Variants in TRAF3IP2 observed in about 807,000 individuals in gnomAD.
TRAF3IP2 encodes the protein E3 ubiquitin ligase TRAF3IP2.
A neutral mutation model predicts 57.9 loss-of-function variants in TRAF3IP2; 35 were observed. The observed-to-expected ratio is 0.60, with a 90% CI of 0.46 to 0.80. TRAF3IP2 has a LOEUF of 0.80. Ranked by LOEUF, TRAF3IP2 falls within the 30% of genes least tolerant of loss-of-function variation. The pLI, the probability that TRAF3IP2 is intolerant of heterozygous loss-of-function variation, is 0.00. For missense variants in TRAF3IP2, 556 were observed against 706.4 expected (o/e 0.79, Z 2.41); for synonymous variants, 251 against 268.9 (o/e 0.93, Z 0.65).
At chr6:111,574,619 A>G (rs950947107) in intron 4 of TRAF3IP2, 1 of 152,244 alleles carries the variant, frequency 6.6e-6, no homozygotes, top group Admixed American at 6.5e-5. Flanking sequence ...TCATTCCTAC[A>G]GGAAATGACC....
intron 7 of TRAF3IP2, among the ~76,000 whole-genome samples, chr6:111,564,588 G>C (rs1006507790): frequency 1.3e-5 from 2 of 152,160 alleles, no homozygotes; most frequent in African/African-American, 4.8e-5. Context: ...GTTGTTCCAG[G>C]GTTTTCTGTT....
intron 2 of TRAF3IP2, among the ~76,000 whole-genome samples, chr6:111,585,688 A>G (rs537804573): frequency 2.2e-4 from 33 of 152,324 alleles, no homozygotes; most frequent in Admixed American, 6.5e-4. Flanking sequence ...CTTGTCCCCA[A>G]TGCCTACAGT....
chr6:111,577,578 A>G (rs1204334199), intron 3 of TRAF3IP2, among the ~76,000 whole-genome samples: 1 of 150,622 alleles, frequency 6.6e-6, no homozygotes. Context: ...TTTGGTAGAG[A>G]TGGGATTTCG....
rs1796110890 is a variant in TRAF3IP2, at chr6:111,580,206, G to C, written c.1013C>G (p.Pro338Arg). The change falls in exon 3 of 9, where the codon CCA (proline) becomes CGA (arginine). Residue 338 changes from proline (P) to arginine (R), a missense_variant. By Grantham distance (103) the Pro-to-Arg change is moderately radical (BLOSUM62 -2). Around this residue, in one of 2 missense-constraint regions of TRAF3IP2, gnomAD observed 428 missense variants for 498.7 expected, o/e 0.86. Coordinates refer to ENST00000368761, the MANE Select transcript of TRAF3IP2 (RefSeq NM_147686.4). ...AQRDCSFPGL[P>R]RHQDQPHHQP... is the part of the protein sequence containing the mutation. ...GGCCTGTCATACTTACTGGTGCCTTGGAAGCCCCGGAAAGGAGCAGTCTCT... is the reference window on the plus strand; with the variant it reads ...GGCCTGTCATACTTACTGGTGCCTTCGAAGCCCCGGAAAGGAGCAGTCTCT... The C allele has an allele frequency of 6.2e-7, 1 of 1,613,842 alleles. No individual in the cohort carries two copies. The highest frequency in any genetic ancestry group is 1.7e-5 in the Admixed American group (1 of 59,978).
At chr6:111,587,883 C>T (rs1012608629) in intron 2 of TRAF3IP2, among the ~76,000 whole-genome samples, 1 of 152,124 alleles carries the variant, frequency 6.6e-6, no homozygotes, top group Admixed American at 6.5e-5. Context: ...TACTCTAATG[C>T]AACAATGCTT....
intron 5 of TRAF3IP2, among the ~76,000 whole-genome samples, chr6:111,571,041 G>A (rs1053694877): frequency 2.6e-5 from 4 of 151,844 alleles, no homozygotes; most frequent in African/African-American, 9.7e-5. Flanking sequence ...CAAGTAGCTG[G>A]GACTACAGGC....
chr6:111,563,099 C>A lies in TRAF3IP2; in HGVS notation c.1477-60G>T, dbSNP rs1442858013. On this transcript the variant is annotated intron_variant, in intron 7 of 8. Coordinates refer to ENST00000368761, the MANE Select transcript of TRAF3IP2 (RefSeq NM_147686.4). Reference sequence around the variant, plus strand: ...GAATGAGGATGAGGAGTTAATGGTACCCATAATCATGCACGTCCACATGGC... The same window carrying A: ...GAATGAGGATGAGGAGTTAATGGTAACCATAATCATGCACGTCCACATGGC... The A allele has an allele frequency of 2.3e-6, 3 of 1,290,204 alleles. No individual in the cohort carries two copies. In the Admixed American group the frequency reaches 5.4e-5, roughly 23 times the overall value. 79.9% of individuals were successfully genotyped at this position (1,290,204 alleles called of 1,614,324 possible).
Position 111,555,878 on chromosome 6 carries a change from T to G in TRAF3IP2, c.*3527A>C, listed in dbSNP as rs1421868273. Among the ~76,000 whole-genome samples the G allele has an allele frequency of 6.6e-6, 1 of 151,986 alleles. No homozygotes were observed. The highest frequency in any genetic ancestry group is 1.5e-5 in the Non-Finnish European group (1 of 67,998). ...CAGCAATTTGGGAGGCCGAGGCGGA[T>G]GGATCACGAGGTCAGGAGATCAAGA... On this transcript the variant is annotated 3_prime_UTR_variant, in exon 9 of 9. Coordinates refer to ENST00000368761, the MANE Select transcript of TRAF3IP2 (RefSeq NM_147686.4).
chr6:111,600,616 A>G (rs1796834136), intron 1 of TRAF3IP2: 1 of 152,234 alleles, frequency 6.6e-6, no homozygotes, highest in Non-Finnish European at 1.5e-5. Flanking sequence ...TGTCTGTTTC[A>G]TATTCTGCTC....
Position 111,603,375 on chromosome 6 carries a change from T to C in TRAF3IP2, c.-9+2401A>G, listed in dbSNP as rs1441303992. On this transcript the variant is annotated intron_variant, in intron 1 of 8. Transcript: ENST00000368761. ...GCAGGATTGTTTTGATAAGGAAATG[T>C]GATCAAACATTAGGGGTCATTTCAT... 2.0e-5 allele frequency among the ~76,000 whole-genome samples: 3 copies of C among 152,350 alleles called. No individual in the cohort carries two copies. The East Asian group carries it at 5.8e-4, about 29-fold the overall frequency.
At chr6:111,559,701 A>G (rs6912112) in intron 8 of TRAF3IP2, 150 bp from the exon 9 acceptor site, 58,832 of 923,184 alleles carry the variant, frequency 0.064, 3,920 homozygotes, top group African/African-American at 0.29. Context: ...GCTTTTGGAA[A>G]GGTTTAGCAT....
intron 2 of TRAF3IP2, among the ~76,000 whole-genome samples, chr6:111,589,397 A>G (rs1275588045): frequency 6.6e-6 from 1 of 152,222 alleles, no homozygotes; most frequent in African/African-American, 2.4e-5. Flanking sequence ...AGATAACAGA[A>G]TGTTAAAAAG....
At chr6:111,571,324 C>T (rs1303735603) in intron 5 of TRAF3IP2, among the ~76,000 whole-genome samples, 1 of 151,978 alleles carries the variant, frequency 6.6e-6, no homozygotes, top group Non-Finnish European at 1.5e-5. Context: ...GTGATCTGCC[C>T]GCCTCAGCCT....
At chr6:111,572,743 T>C (rs1003489258) in intron 5 of TRAF3IP2, 152 bp downstream of exon 5, 1 of 664,888 alleles carries the variant, frequency 1.5e-6, no homozygotes, top group Admixed American at 2.9e-5. Context: ...TAGAAAATTA[T>C]TACCTAAATC....
intron 8 of TRAF3IP2, among the ~76,000 whole-genome samples, chr6:111,561,875 C>T (rs1795458910): frequency 6.6e-6 from 1 of 152,152 alleles, no homozygotes; most frequent in African/African-American, 2.4e-5. Flanking sequence ...GGAGACTCAT[C>T]AGTAAGTGAC....
intron 6 of TRAF3IP2, chr6:111,567,330 C>G: frequency 8.8e-7 from 1 of 1,134,786 alleles, no homozygotes; most frequent in Non-Finnish European, 1.1e-6. Context: ...GCTCTCTCCC[C>G]ACTCTCCGCC....
chr6:111,575,785 A>G lies in TRAF3IP2; in HGVS notation c.1059T>C (p.Gly353=). ...QPHHQPPNRA[G]APGESLECPA... ...GGCACTCCAAGGACTCCCCAGGAGC[A>G]CCAGCTCTATTAGGTGGCTGGTGAT... Residue 353 remains glycine, a synonymous_variant, in exon 4 of 9, where the codon GGT becomes GGC. Coordinates refer to ENST00000368761, the MANE Select transcript of TRAF3IP2 (RefSeq NM_147686.4). 6.2e-7 allele frequency: 1 copy of G among 1,609,794 alleles called. No individual in the cohort carries two copies. The highest frequency in any genetic ancestry group is 1.3e-5 in the African/African-American group (1 of 74,722).
chr6:111,556,035 G>T lies in TRAF3IP2; in HGVS notation c.*3370C>A, dbSNP rs915817391. 5.9e-5 allele frequency among the ~76,000 whole-genome samples: 9 copies of T among 151,928 alleles called. No individual in the cohort carries two copies. The highest frequency in any genetic ancestry group is 5.9e-4 in the Admixed American group (9 of 15,246). On this transcript the variant is annotated 3_prime_UTR_variant, in exon 9 of 9. Transcript: ENST00000368761. ...GGAGAATCGCTTGAACCCGGGAGGTGGAGGTTGCAGTGAGCTGTGATTGCA... is the reference window on the plus strand; with the variant it reads ...GGAGAATCGCTTGAACCCGGGAGGTTGAGGTTGCAGTGAGCTGTGATTGCA...
At position 111,591,539 on chromosome 6, in the gene TRAF3IP2, G is replaced by A. The variant is rs1425634147; in HGVS notation, c.548C>T (p.Pro183Leu). ...GSQEMVQRPQ[P>L]HRNRAGLDLP... Reference sequence around the variant, plus strand: ...ATCCAGGCCTGCTCGGTTCCTGTGAGGCTGGGGCCGTTGCACCATCTCCTG... The same window carrying A: ...ATCCAGGCCTGCTCGGTTCCTGTGAAGCTGGGGCCGTTGCACCATCTCCTG... The change falls in exon 2 of 9, where the codon CCT becomes CTT. Residue 183 changes from proline (P) to leucine (L), a missense_variant. By Grantham distance (98) the Pro-to-Leu change is moderately conservative. Around this residue, in one of 2 missense-constraint regions of TRAF3IP2, gnomAD observed 428 missense variants for 498.7 expected, o/e 0.86. Coordinates refer to ENST00000368761, the MANE Select transcript of TRAF3IP2 (RefSeq NM_147686.4). The surrounding 1 kb of genome is among the most constrained non-coding windows in gnomAD (Gnocchi z 4.9). 6.2e-7 allele frequency: 1 copy of A among 1,614,204 alleles called. No homozygotes were observed. The highest frequency in any genetic ancestry group is 2.2e-5 in the East Asian group (1 of 44,880).
Sources: allele counts gnomAD v4.1 joint callset (sites outside exome capture counted in the v4.1 genomes callset), GRCh38; gene constraint gnomAD v4.1.1; regional missense constraint gnomAD v4.1.1; non-coding constraint Gnocchi (gnomAD v3.1); transcripts MANE v1.5; gene names NCBI Gene and HGNC (gene_info 2026-07-23, HGNC 2026-07-21).